Variants in PRXL2A observed in about 807,000 individuals in gnomAD.
PRXL2A encodes the protein peroxiredoxin-like 2A.
In PRXL2A, 26 loss-of-function variants were observed where a neutral mutation model predicts 25.6. The ratio of observed to expected loss-of-function variants is 1.02; its 90% CI spans 0.74 to 1.41. PRXL2A has a LOEUF of 1.41. PRXL2A is among the 40% of genes most tolerant of loss of function. The pLI is 0.00. For synonymous variants in PRXL2A, 98 were observed against 102.9 expected (o/e 0.95, Z 0.29); for missense variants, 246 against 273.9 (o/e 0.90, Z 0.72).
intron 5 of PRXL2A, among the ~76,000 whole-genome samples, chr10:80,429,862 C>T (rs1845189313): frequency 6.6e-6 from 1 of 152,318 alleles, no homozygotes; most frequent in Admixed American, 6.5e-5. Context: ...GCTTGGCATG[C>T]CTGCCAGCCT....
Position 80,434,605 on chromosome 10 carries a change from A to T in PRXL2A, c.*2506A>T, listed in dbSNP as rs1845352885. The T allele has an allele frequency of 6.6e-6, 1 of 152,228 alleles. No homozygotes were observed. The highest frequency in any genetic ancestry group is 2.4e-5 in the African/African-American group (1 of 41,458). The allele number at this position is 152,228 out of a possible 1,614,324, so 9.4% of individuals were successfully genotyped here. A position where few individuals can be genotyped will look rare whatever the true frequency, so the allele number is the denominator to read the frequency against. On this transcript the variant is annotated 3_prime_UTR_variant, in exon 6 of 6. Transcript: ENST00000606162. The stretch of plus-strand genomic sequence containing the variant: ...CTTAGCTCCAATCTGTGCAGAGGTG[A>T]TGGAATTTTAAAGAGGGGAGGGAGG...
chr10:80,413,844 T>C, intron 1 of PRXL2A: 1 of 1,202,086 alleles, frequency 8.3e-7, no homozygotes, highest in Non-Finnish European at 1.1e-6. Flanking sequence ...TACTTCTTTG[T>C]CAAGAGAAGC....
chr10:80,416,651 G>T (rs1223532290), intron 1 of PRXL2A, among the ~76,000 whole-genome samples: 1 of 152,156 alleles, frequency 6.6e-6, no homozygotes, highest in Non-Finnish European at 1.5e-5. Context: ...TTGGCGGGGG[G>T]CCCAGCTCTC....
chr10:80,412,915 T>A (rs926889556), intron 1 of PRXL2A, among the ~76,000 whole-genome samples: 1 of 152,054 alleles, frequency 6.6e-6, no homozygotes, highest in African/African-American at 2.4e-5. Context: ...GCTTGGAAAA[T>A]AAACTATAGA....
At position 80,409,303 on chromosome 10, in the gene PRXL2A, G is replaced by T. The variant is rs947964783; in HGVS notation, c.-3+660G>T. Among the ~76,000 whole-genome samples the T allele has an allele frequency of 3.7e-4, 57 of 152,286 alleles. 2 individuals are homozygous for T. Among genetic ancestry groups the T allele is most frequent in the Admixed American group, 2.2e-3 (33 of 15,294 alleles). ...CTGCCCCCAGGGTTGTTGCTGGAGC[G>T]GGAGGTGAAGGCGCAGGTGGAGATG... On this transcript the variant is annotated intron_variant, in intron 1 of 5. Transcript: ENST00000606162.
At chr10:80,412,802 G>A (rs548790614) in intron 1 of PRXL2A, among the ~76,000 whole-genome samples, 1 of 152,250 alleles carries the variant, frequency 6.6e-6, no homozygotes, top group South Asian at 2.1e-4. Flanking sequence ...AGCTGTGGAG[G>A]GCCCCATCAG....
Position 80,434,709 on chromosome 10 carries a change from G to A in PRXL2A, c.*2610G>A, listed in dbSNP as rs1247871610. The A allele has an allele frequency of 6.6e-6, 1 of 152,128 alleles. No individual in the cohort carries two copies. The highest frequency in any genetic ancestry group is 2.1e-4 in the South Asian group (1 of 4,818). The allele number at this position is 152,128 out of a possible 1,614,324, so 9.4% of individuals were successfully genotyped here. ...TGGTCAATGTGATTCGGCTATCTGT[G>A]TCTACTAACTCTCAAATTTATTTAT... is the stretch of plus-strand genomic sequence containing the variant. On this transcript the variant is annotated 3_prime_UTR_variant, in exon 6 of 6. Coordinates refer to ENST00000606162, the MANE Select transcript of PRXL2A (RefSeq NM_032333.5).
At position 80,418,895 on chromosome 10, in the gene PRXL2A, A is replaced by G. The variant is rs527599332; in HGVS notation, c.-2-1571A>G. ...CTGAATTCTGACAGAACCCGCCTGG[A>G]GCTCCATTTCAGTTGCAGAGACCTT... On this transcript the variant is annotated intron_variant, in intron 1 of 5. Transcript: ENST00000606162. 1.7e-3 allele frequency among the ~76,000 whole-genome samples: 252 copies of G among 152,288 alleles called. 2 individuals are homozygous for G. Among genetic ancestry groups the G allele is most frequent in the African/African-American group, 6.0e-3 (248 of 41,546 alleles).
At position 80,420,619 on chromosome 10, in the gene PRXL2A, A is replaced by C; in HGVS notation, c.152A>C (p.Asp51Ala). ...PQKAALEYLEDIDLKTLEKEP... is the reference protein window; with the variant it reads ...PQKAALEYLEAIDLKTLEKEP... Reference sequence around the variant, plus strand: ...AAAGCGGCCCTGGAGTACCTGGAGGATATAGACCTGAAAACACTGGAGAAG... The same window carrying C: ...AAAGCGGCCCTGGAGTACCTGGAGGCTATAGACCTGAAAACACTGGAGAAG... The change falls in exon 2 of 6, where the codon GAT becomes GCT. Residue 51 changes from aspartate (D) to alanine (A), a missense_variant. Transcript: ENST00000606162. 6.2e-7 allele frequency: 1 copy of C among 1,611,784 alleles called. No individual in the cohort carries two copies. The highest frequency in any genetic ancestry group is 8.5e-7 in the Non-Finnish European group (1 of 1,178,616).
chr10:80,427,223 G>C, intron 4 of PRXL2A, 109 bp from the exon 5 acceptor site: 1 of 852,376 alleles, frequency 1.2e-6, no homozygotes, highest in Non-Finnish European at 1.9e-6. Context: ...GGAACCAGCA[G>C]CCTTTTGAGT....
At position 80,425,924 on chromosome 10, in the gene PRXL2A, A is replaced by G. The variant is rs1354366464; in HGVS notation, c.329A>G (p.Tyr110Cys). The G allele has an allele frequency of 2.5e-6, 4 of 1,614,084 alleles. No homozygotes were observed. The African/African-American group carries it at 4.0e-5, about 16-fold the overall frequency. The change falls in exon 4 of 6, where the codon TAT (tyrosine) becomes TGT (cysteine). Residue 110 changes from tyrosine to cysteine, a missense_variant. Transcript: ENST00000606162. ...SMLDQLGVPL[Y>C]AVVKEHIRTE... ...TTGGACCAGCTGGGCGTCCCCCTCT[A>G]TGCAGTGGTAAAGGAGCACATCAGG...
chr10:80,423,658 T>C (rs941914252), intron 3 of PRXL2A, among the ~76,000 whole-genome samples: 11 of 152,246 alleles, frequency 7.2e-5, no homozygotes, highest in African/African-American at 2.7e-4. Flanking sequence ...GTCCTCACCA[T>C]AGCCCTTGGA....
chr10:80,420,267 C>A lies in PRXL2A; in HGVS notation c.-2-199C>A, dbSNP rs112717894. Reference sequence around the variant, plus strand: ...GGTGAGCTCCACGGTGCAGGAACCTCCATGTGTGTGCTGCATCCCCAAGTT... The same window carrying A: ...GGTGAGCTCCACGGTGCAGGAACCTACATGTGTGTGCTGCATCCCCAAGTT... On this transcript the variant is annotated intron_variant, in intron 1 of 5. Transcript: ENST00000606162. 1.8e-3 allele frequency: 2,397 copies of A among 1,331,152 alleles called. 42 individuals carry two copies. In the African/African-American group the frequency reaches 0.032, roughly 18 times the overall value. 82.5% of individuals were successfully genotyped at this position (1,331,152 alleles called of 1,614,324 possible).
chr10:80,425,417 A>G (rs1186985542), intron 3 of PRXL2A, among the ~76,000 whole-genome samples: 3 of 152,264 alleles, frequency 2.0e-5, no homozygotes, highest in African/African-American at 4.8e-5. Flanking sequence ...CACTCAACTT[A>G]GTGGTAACAT....
chr10:80,409,185 C>A, intron 1 of PRXL2A: 1 of 532,944 alleles, frequency 1.9e-6, no homozygotes, highest in Non-Finnish European at 2.4e-6. Context: ...CCCCTCTTTC[C>A]CAAGAGTCAC....
chr10:80,409,393 C>CGG (rs929556344), intron 1 of PRXL2A, among the ~76,000 whole-genome samples: 5 of 152,170 alleles, frequency 3.3e-5, no homozygotes, highest in African/African-American at 1.2e-4. Flanking sequence ...GAGGCACACC[C>CGG]GGGAGTCCAC....
intron 3 of PRXL2A, 33 bp downstream of exon 3, chr10:80,422,541 G>C: frequency 6.4e-7 from 1 of 1,552,774 alleles, no homozygotes; most frequent in Non-Finnish European, 8.9e-7. Context: ...TCAGAGAAAG[G>C]GATCCTGGCA....
rs930725311 is a variant in PRXL2A, at chr10:80,433,104, C to T, written c.*1005C>T. ...TCCATGGCTGAGGGGTAAAGTGCCT[C>T]GGGGGATTCCTCTGGTTCTAGCTAT... On this transcript the variant is annotated 3_prime_UTR_variant, in exon 6 of 6. Transcript: ENST00000606162. The T allele has an allele frequency of 3.3e-5, 5 of 152,136 alleles. No homozygotes were observed. Among genetic ancestry groups the T allele is most frequent in the Non-Finnish European group, 7.4e-5 (5 of 68,024 alleles). 9.4% of individuals were successfully genotyped at this position (152,136 alleles called of 1,614,324 possible).
chr10:80,426,060 G>A (rs1473881347), intron 4 of PRXL2A, 54 bp downstream of exon 4: 1 of 1,607,130 alleles, frequency 6.2e-7, no homozygotes, highest in South Asian at 1.1e-5. Flanking sequence ...GTGCTCAGCT[G>A]TGTGATAGTC....
Sources: allele counts gnomAD v4.1 joint callset (sites outside exome capture counted in the v4.1 genomes callset), GRCh38; gene constraint gnomAD v4.1.1; transcripts MANE v1.5; gene names NCBI Gene and HGNC (gene_info 2026-07-23, HGNC 2026-07-21).